Variants in BBS9 observed in about 807,000 individuals in gnomAD.
BBS9 encodes protein PTHB1.
Under a neutral mutation model 117.7 loss-of-function variants are expected in BBS9, and 89 were observed. The observed-to-expected ratio is 0.76, with a 90% CI of 0.64 to 0.90. The LOEUF (loss-of-function observed/expected upper bound fraction) is 0.90. BBS9 is among the 40% of genes least tolerant of loss of function. The probability of loss-of-function intolerance (pLI) is 0.00; values close to 1 mark genes in which losing one functional copy is unlikely to be tolerated. For synonymous variants in BBS9, 379 were observed against 370.9 expected, an observed-to-expected ratio of 1.02 and a Z score of -0.25; for missense variants, 982 against 1,042.2, an observed-to-expected ratio of 0.94 and a Z score of 0.80.
intron 20 of BBS9, among the ~76,000 whole-genome samples, chr7:33,527,712 G>A (rs918063170): frequency 6.6e-6 from 1 of 152,198 alleles, no homozygotes; most frequent in Non-Finnish European, 1.5e-5. Flanking sequence ...CGTCTTCTGC[G>A]TCGCTCACGC....
chr7:33,526,452 T>C (rs1849515394), intron 20 of BBS9, among the ~76,000 whole-genome samples: 1 of 151,986 alleles, frequency 6.6e-6, no homozygotes, highest in Non-Finnish European at 1.5e-5. Flanking sequence ...TCATTTCTTT[T>C]TATTCTTTTT....
At chr7:33,262,672 GC>G (rs1798154874) in intron 6 of BBS9, among the ~76,000 whole-genome samples, 1 of 152,044 alleles carries the variant, frequency 6.6e-6, no homozygotes, top group East Asian at 1.9e-4. Context: ...TACTTCATGC[GC>G]CCCATGACTC....
At chr7:33,329,563 T>C (rs1294256753) in intron 9 of BBS9, among the ~76,000 whole-genome samples, 1 of 151,670 alleles carries the variant, frequency 6.6e-6, no homozygotes, top group Admixed American at 6.6e-5. Context: ...CTATTATAGA[T>C]ACACCACAAT....
At chr7:33,455,975 G>A (rs1838604928) in intron 19 of BBS9, among the ~76,000 whole-genome samples, 1 of 152,176 alleles carries the variant, frequency 6.6e-6, no homozygotes, top group Non-Finnish European at 1.5e-5. Context: ...GGAATATGTG[G>A]AGATAATGAA....
intron 21 of BBS9, chr7:33,534,412 A>G (rs1851056373): frequency 1.8e-6 from 1 of 567,110 alleles, no homozygotes; most frequent in Non-Finnish European, 3.1e-6. Context: ...CTGCTTTTAA[A>G]TATATGATCC....
chr7:33,542,178 G>A (rs1852424271), intron 21 of BBS9, among the ~76,000 whole-genome samples: 1 of 151,900 alleles, frequency 6.6e-6, no homozygotes, highest in South Asian at 2.1e-4. Context: ...TCTGCCTCCT[G>A]GATTCAAGCA....
intron 19 of BBS9, among the ~76,000 whole-genome samples, chr7:33,499,671 G>A (rs960391212): frequency 6.6e-6 from 1 of 152,142 alleles, no homozygotes; most frequent in Non-Finnish European, 1.5e-5. Flanking sequence ...CGTTTCTTGG[G>A]TCAGATTGCT....
chr7:33,394,093 G>T (rs1294247741), intron 19 of BBS9, among the ~76,000 whole-genome samples: 2 of 152,160 alleles, frequency 1.3e-5, no homozygotes, highest in Non-Finnish European at 2.9e-5. Context: ...AAGGAGAGGG[G>T]ACCTGGGATT....
intron 7 of BBS9, among the ~76,000 whole-genome samples, chr7:33,268,388 C>T (rs1799176869): frequency 6.6e-6 from 1 of 152,202 alleles, no homozygotes; most frequent in East Asian, 1.9e-4. Context: ...TCCATCTCCA[C>T]AATTCACAGA....
intron 19 of BBS9, among the ~76,000 whole-genome samples, chr7:33,444,029 C>T (rs756759866): frequency 6.6e-6 from 1 of 152,306 alleles, no homozygotes; most frequent in South Asian, 2.1e-4. Context: ...GATAATTGCT[C>T]TCCTCTTCTT....
intron 19 of BBS9, among the ~76,000 whole-genome samples, chr7:33,503,075 A>G (rs750557638): frequency 2.5e-4 from 38 of 152,228 alleles, no homozygotes; most frequent in Non-Finnish European, 4.4e-4. Context: ...CGTTACATTA[A>G]TTCAGTTTTA....
chr7:33,422,950 G>A (rs111961544), intron 19 of BBS9, among the ~76,000 whole-genome samples: 1 of 152,012 alleles, frequency 6.6e-6, no homozygotes, highest in African/African-American at 2.4e-5. Context: ...ATTATGTCTG[G>A]CACATGAATG....
Position 33,177,401 on chromosome 7 carries a change from C to T in BBS9, c.329-77C>T, listed in dbSNP as rs183421903. 43 of 933,750 alleles carry T rather than the reference C, an allele frequency of 4.6e-5. No homozygotes were observed. The African/African-American group carries it at 5.4e-4, about 12-fold the overall frequency. The allele number at this position is 933,750 out of a possible 1,614,324, so 57.8% of individuals were successfully genotyped here. A position where few individuals can be genotyped will look rare whatever the true frequency, so the allele number is the denominator to read the frequency against. ...TAATTTCCCTAAAATTACTTAGAAT[C>T]GGAGTAGTGGATGAGAACAAATTAA... On this transcript the variant is annotated intron_variant, in intron 4 of 22. Coordinates refer to ENST00000242067, the MANE Select transcript of BBS9 (RefSeq NM_198428.3).
In BBS9 at chr7:33,146,239, T is replaced by C; in HGVS notation, c.-11-3T>C. ...TAGATTATTATAAATGTTTTCTTTT[T>C]AGTGTGAAAGAAAATGTCTTTATTT... On this transcript the variant is annotated splice_region_variant and splice_polypyrimidine_tract_variant and intron_variant, in intron 1 of 22. Transcript: ENST00000242067. The C allele has an allele frequency of 6.4e-7, 1 of 1,567,596 alleles. No individual in the cohort carries two copies. Among genetic ancestry groups the C allele is most frequent in the Middle Eastern group, 1.7e-4 (1 of 5,994 alleles).
chr7:33,484,357 A>G (rs752169792), intron 19 of BBS9, among the ~76,000 whole-genome samples: 20 of 152,246 alleles, frequency 1.3e-4, no homozygotes, highest in Non-Finnish European at 2.2e-4. Flanking sequence ...GATGTAGAAT[A>G]TGACCTCTCT....
intron 9 of BBS9, among the ~76,000 whole-genome samples, chr7:33,292,210 G>A (rs973138460): frequency 6.7e-6 from 1 of 149,070 alleles, no homozygotes; most frequent in Admixed American, 6.9e-5. Flanking sequence ...AGAACATTTA[G>A]TTTGGCTACT....
intron 5 of BBS9, among the ~76,000 whole-genome samples, chr7:33,224,637 T>A (rs1208818359): frequency 1.3e-5 from 2 of 152,202 alleles, no homozygotes; most frequent in African/African-American, 4.8e-5. Flanking sequence ...AACTTACTTG[T>A]CGAATAGGTT....
intron 21 of BBS9, among the ~76,000 whole-genome samples, chr7:33,621,837 G>A (rs1275718474): frequency 6.6e-6 from 1 of 152,098 alleles, no homozygotes; most frequent in East Asian, 1.9e-4. Flanking sequence ...TAAAAAGAAG[G>A]AAATCCTGTC....
chr7:33,209,687 G>T (rs1026116798), intron 5 of BBS9, among the ~76,000 whole-genome samples: 1 of 152,080 alleles, frequency 6.6e-6, no homozygotes, highest in Non-Finnish European at 1.5e-5. Context: ...GCATATAGTT[G>T]CTCATAGTAC....
Sources: allele counts gnomAD v4.1 joint callset (sites outside exome capture counted in the v4.1 genomes callset), GRCh38; gene constraint gnomAD v4.1.1; transcripts MANE v1.5; gene names NCBI Gene and HGNC (gene_info 2026-07-23, HGNC 2026-07-21).